ACLY: variants seen among roughly 807,000 people sequenced by gnomAD.
The protein encoded by ACLY is ATP citrate lyase.
Under a neutral mutation model 133.0 loss-of-function variants are expected in ACLY, and 41 were observed. The ratio of observed to expected loss-of-function variants is 0.31; its 90% CI spans 0.24 to 0.40. The LOEUF is 0.40. ACLY is among the 10% of genes least tolerant of loss of function. ACLY has a pLI of 1.00. For synonymous variants in ACLY, 495 were observed against 549.3 expected (o/e 0.90, Z 1.38); for missense variants, 1,046 against 1,453.8 (o/e 0.72, Z 4.56).
intron 5 of ACLY, 105 bp downstream of exon 5, chr17:41,909,405 C>A (rs2049827680): frequency 1.5e-6 from 2 of 1,291,764 alleles, no homozygotes; most frequent in East Asian, 4.7e-5. Flanking sequence ...GTGTCTACCA[C>A]CTGGCTCCCA....
At chr17:41,903,328 G>T (rs1042862635) in intron 10 of ACLY, among the ~76,000 whole-genome samples, 1 of 152,176 alleles carries the variant, frequency 6.6e-6, no homozygotes, top group Non-Finnish European at 1.5e-5. Flanking sequence ...TTTAAAGCAT[G>T]TGCACACACA....
chr17:41,907,465 A>AG lies in ACLY; in HGVS notation c.723dup (p.Phe242LeufsTer53). Reference sequence around the variant, plus strand: ...ACCTCTGGATATGCCTCCCGCCCGAAGGGGGGAGGGAACTCGATGTCACCC... The same window carrying AG: ...ACCTCTGGATATGCCTCCCGCCCGAAGGGGGGGAGGGAACTCGATGTCACCC... On this transcript the variant is annotated frameshift_variant, in exon 7 of 29. Transcript: ENST00000352035. LOFTEE classifies it high-confidence loss of function. 6.2e-7 allele frequency: 1 copy of AG among 1,613,912 alleles called. No homozygotes were observed. The highest frequency in any genetic ancestry group is 8.5e-7 in the Non-Finnish European group (1 of 1,179,900).
chr17:41,904,738 G>A lies in ACLY; in HGVS notation c.1056C>T (p.Ala352=). 1 of 1,613,954 alleles carries A rather than the reference G, an allele frequency of 6.2e-7. No individual in the cohort carries two copies. The highest frequency in any genetic ancestry group is 8.5e-7 in the Non-Finnish European group (1 of 1,179,856). Residue 352 remains alanine (A), a synonymous_variant, in exon 10 of 29, where the codon GCC becomes GCT. Coordinates refer to ENST00000352035, the MANE Select transcript of ACLY (RefSeq NM_001096.3). ...GSIANFTNVA[A]TFKGIVRAIR... is the part of the protein sequence containing the mutation. Reference sequence around the variant, plus strand: ...CTGTTGCAACTGTTACCTTGAACGTGGCAGCCACGTTGGTGAAGTTTGCGA... The same window carrying A: ...CTGTTGCAACTGTTACCTTGAACGTAGCAGCCACGTTGGTGAAGTTTGCGA...
At chr17:41,886,404 GCCAGGCTGGGGAGAGAATGACCAAGA>G in intron 17 of ACLY, 96 bp from the exon 18 acceptor site, 1 of 1,260,494 alleles carries the variant, frequency 7.9e-7, no homozygotes, top group South Asian at 1.5e-5. Context: ...GCCCCTTCTG[GCCAGGCTGGGGAGAGAATGACCAAGA>G]GAAATCACAC....
rs2049440558 is a variant in ACLY at position 41,898,686 on chromosome 17, G to A, written c.1283C>T (p.Pro428Leu). ...ALGHRPIPNQ[P>L]PTAAHTANFL... ...GTTTGCAGTGTGGGCCGCTGTGGGT[G>A]GCTGGTTGGGGATGGGCCGGTGGCC... Residue 428 changes from proline (P) to leucine (L), a missense_variant, in exon 12 of 29, where the codon CCA becomes CTA. This residue lies in a region of ACLY where 575 missense variants were observed against 804.2 expected (regional missense o/e 0.71). Transcript: ENST00000352035. 1 of 1,613,936 alleles carries A rather than the reference G, an allele frequency of 6.2e-7. No homozygotes were observed. Among genetic ancestry groups the A allele is most frequent in the Admixed American group, 1.7e-5 (1 of 59,982 alleles).
chr17:41,868,198 G>C (rs2048509969), intron 28 of ACLY, among the ~76,000 whole-genome samples: 1 of 152,016 alleles, frequency 6.6e-6, no homozygotes, highest in African/African-American at 2.4e-5. Flanking sequence ...CAGCACTTTG[G>C]GAGGCCGAGG....
At position 41,869,544 on chromosome 17, in the gene ACLY, A is replaced by G. The variant is rs1218081680; in HGVS notation, c.2981T>C (p.Val994Ala). The part of the protein sequence containing the change: ...DMRVQILKDY[V>A]RQHFPATPLL... ...AGGAGTGGCAGGGAAGTGCTGCCTG[A>G]CGTAATCTTTGAGGATCTGCACTCG... Residue 994 changes from valine to alanine, a missense_variant, in exon 26 of 29, where the codon GTC becomes GCC. Physicochemically the swap from Val to Ala is moderately conservative, Grantham distance 64 (BLOSUM62 0). Transcript: ENST00000352035. The G allele has an allele frequency of 4.3e-6, 7 of 1,614,116 alleles. No individual in the cohort carries two copies. The highest frequency in any genetic ancestry group is 5.1e-6 in the Non-Finnish European group (6 of 1,180,026).
In ACLY at chr17:41,892,402, C is replaced by T. The variant is rs1555629526; in HGVS notation, c.1647G>A (p.Leu549=). 1.2e-6 allele frequency: 2 copies of T among 1,613,962 alleles called. No individual in the cohort carries two copies. Among genetic ancestry groups the T allele is most frequent in the East Asian group, 2.2e-5 (1 of 44,840 alleles). ...QKFYWGHKEI[L]IPVFKNMADA... Reference sequence around the variant, plus strand: ...CAGCCATGTTCTTGAAGACAGGGATCAGGATCTCTTTGTGCCCCCAGTAAA... The same window carrying T: ...CAGCCATGTTCTTGAAGACAGGGATTAGGATCTCTTTGTGCCCCCAGTAAA... Residue 549 remains leucine, a synonymous_variant, in exon 16 of 29, where the codon CTG becomes CTA. Transcript: ENST00000352035.
chr17:41,905,738 G>A, intron 8 of ACLY, 80 bp from the exon 9 acceptor site: 1 of 1,565,110 alleles, frequency 6.4e-7, no homozygotes, highest in South Asian at 1.1e-5. Flanking sequence ...AGGACACACG[G>A]ATCCCTCAAA....
chr17:41,916,742 T>C (rs1321941029), intron 1 of ACLY, among the ~76,000 whole-genome samples: 1 of 152,100 alleles, frequency 6.6e-6, no homozygotes, highest in Non-Finnish European at 1.5e-5. Context: ...CAGACTCTTC[T>C]GAGACTGAAA....
chr17:41,884,655 AGGGT>A (rs2049003457), intron 18 of ACLY, among the ~76,000 whole-genome samples: 1 of 152,188 alleles, frequency 6.6e-6, no homozygotes, highest in South Asian at 2.1e-4. Flanking sequence ...GAGGCCCAGG[AGGGT>A]GGATCACCTG....
intron 12 of ACLY, among the ~76,000 whole-genome samples, chr17:41,898,263 C>A (rs1192342405): frequency 6.6e-6 from 1 of 152,132 alleles, no homozygotes; most frequent in Admixed American, 6.5e-5. Context: ...CAGACATGCA[C>A]CACCATGTCT....
intron 23 of ACLY, 77 bp downstream of exon 23, chr17:41,873,734 A>C: frequency 6.9e-7 from 1 of 1,455,180 alleles, no homozygotes; most frequent in Non-Finnish European, 9.1e-7. Context: ...AGGCCTGTCC[A>C]CTCCCACCCC....
At chr17:41,890,625 T>C (rs2049180561) in intron 16 of ACLY, among the ~76,000 whole-genome samples, 1 of 150,576 alleles carries the variant, frequency 6.6e-6, no homozygotes, top group Admixed American at 6.6e-5. Context: ...GAGGCGGAGG[T>C]TGCGGTGAGC....
rs147409151 is a variant in ACLY, at chr17:41,872,189, TG to T, written c.2643-8del. On this transcript the variant is annotated splice_polypyrimidine_tract_variant and splice_region_variant and intron_variant, in intron 23 of 28. Transcript: ENST00000352035. ...GCAAGAGTACTTAGGCAACCTGGAG[TG>T]GGGGGAACAAAGGCCAGGAGATGGT... The T allele has an allele frequency of 0.02, 31,787 of 1,611,596 alleles. 419 individuals carry two copies. Among genetic ancestry groups the T allele is most frequent in the Non-Finnish European group, 0.023 (27,653 of 1,179,326 alleles).
At position 41,887,661 on chromosome 17, in the gene ACLY, G is replaced by C. The variant is rs1555628507; in HGVS notation, c.1813C>G (p.Leu605Val). Residue 605 changes from leucine to valine, a missense_variant, in exon 17 of 29, where the codon CTC (leucine) becomes GTC (valine). Physicochemically the swap from Leu to Val is conservative, Grantham distance 32 (BLOSUM62 1). This residue lies in a region of ACLY where 575 missense variants were observed against 804.2 expected (regional missense o/e 0.71). Transcript: ENST00000352035. ...AIIAEGIPEALTRKLIKKADQ... is the reference protein window; with the variant it reads ...AIIAEGIPEAVTRKLIKKADQ... The stretch of plus-strand genomic sequence containing the variant: ...GCCTTCTTGATCAGCTTTCTCGTGA[G>C]GGCCTCAGGGATGCCTTCAGCTATG... 6 of 1,613,692 alleles carry C rather than the reference G, an allele frequency of 3.7e-6. No homozygotes were observed. The highest frequency in any genetic ancestry group is 5.1e-6 in the Non-Finnish European group (6 of 1,179,834).
chr17:41,886,397 C>A (rs2049048827), intron 17 of ACLY, 89 bp from the exon 18 acceptor site: 5 of 1,326,480 alleles, frequency 3.8e-6, no homozygotes, highest in South Asian at 2.8e-5. Flanking sequence ...CTGCCCAGCC[C>A]CTTCTGGCCA....
chr17:41,887,454 A>ATGGACAGAC (rs1555628408), intron 17 of ACLY, 145 bp downstream of exon 17: 1 of 668,900 alleles, frequency 1.5e-6, no homozygotes, highest in African/African-American at 1.8e-5. Context: ...AAAGCTAAAA[A>ATGGACAGAC]TGGACAGACT....
intron 16 of ACLY, 152 bp downstream of exon 16, chr17:41,892,127 C>T (rs2049230799): frequency 1.3e-6 from 1 of 751,682 alleles, no homozygotes; most frequent in Admixed American, 3.2e-5. Context: ...TGGCTACTCC[C>T]AAATCCCCAG....
Sources: allele counts gnomAD v4.1 joint callset (sites outside exome capture counted in the v4.1 genomes callset), GRCh38; gene constraint gnomAD v4.1.1; regional missense constraint gnomAD v4.1.1; transcripts MANE v1.5; gene names NCBI Gene and HGNC (gene_info 2026-07-23, HGNC 2026-07-21).